The following ME1 variants were observed in gnomAD, a reference collection of about 807,000 sequenced individuals.
ME1 encodes malic enzyme 1.
A neutral mutation model predicts 66.4 loss-of-function variants in ME1; 74 were observed. The ratio of observed to expected loss-of-function variants is 1.11; its 90% CI spans 0.92 to 1.35. The LOEUF is 1.35. Among genes scored for constraint, ME1 ranks in the 40% most tolerant of loss-of-function variants. The pLI, the probability that ME1 is intolerant of heterozygous loss-of-function variation, is 0.00. For missense variants in ME1, 750 were observed against 694.1 expected, an observed-to-expected ratio of 1.08 and a Z score of -0.90; for synonymous variants, 251 against 235.6, an observed-to-expected ratio of 1.07 and a Z score of -0.60.
intron 6 of ME1, among the ~76,000 whole-genome samples, chr6:83,288,050 A>G (rs1767429580): frequency 6.6e-6 from 1 of 152,114 alleles, no homozygotes; most frequent in Non-Finnish European, 1.5e-5. Flanking sequence ...GATTCTGGAT[A>G]TTAGCCCTTT....
chr6:83,332,919 TA>T (rs1209445387), intron 5 of ME1, among the ~76,000 whole-genome samples: 1 of 152,158 alleles, frequency 6.6e-6, no homozygotes, highest in East Asian at 1.9e-4. Flanking sequence ...AAAATAAAAA[TA>T]AAAAAATAAG....
chr6:83,367,140 AGTAATATTT>A (rs562577176), intron 3 of ME1, among the ~76,000 whole-genome samples: 1 of 152,316 alleles, frequency 6.6e-6, no homozygotes, highest in Admixed American at 6.5e-5. Flanking sequence ...GTCAATGAGC[AGTAATATTT>A]GTAATATTTT....
At chr6:83,394,630 A>T (rs1165846504) in intron 3 of ME1, among the ~76,000 whole-genome samples, 2 of 152,200 alleles carry the variant, frequency 1.3e-5, no homozygotes, top group Non-Finnish European at 2.9e-5. Flanking sequence ...CTTTCCGATA[A>T]TACCTCTGAA....
At chr6:83,270,400 C>G (rs1011651217) in intron 6 of ME1, among the ~76,000 whole-genome samples, 1 of 149,508 alleles carries the variant, frequency 6.7e-6, no homozygotes, top group African/African-American at 2.4e-5. Flanking sequence ...AACGCCTTCT[C>G]AAAAATAAAA....
At chr6:83,281,806 CAAAAAAAAAAAAA>C (rs140157932) in intron 6 of ME1, among the ~76,000 whole-genome samples, 10 of 13,288 alleles carry the variant, frequency 7.5e-4, no homozygotes, top group Middle Eastern at 0.25. Flanking sequence ...ACTCTGTCTC[CAAAAAAAAAAAAA>C]AAAAAAAAAA....
chr6:83,256,585 T>C (rs1036408530), intron 6 of ME1, among the ~76,000 whole-genome samples: 1 of 152,190 alleles, frequency 6.6e-6, no homozygotes, highest in Non-Finnish European at 1.5e-5. Flanking sequence ...GCTTTTACAC[T>C]GTTAATGGGA....
intron 5 of ME1, among the ~76,000 whole-genome samples, chr6:83,340,966 T>A (rs1011165678): frequency 2.0e-5 from 3 of 152,070 alleles, no homozygotes; most frequent in African/African-American, 7.2e-5. Flanking sequence ...ATTCAACCAG[T>A]TTGAATAAGG....
chr6:83,353,268 C>T (rs898658114), intron 3 of ME1, among the ~76,000 whole-genome samples: 1 of 152,112 alleles, frequency 6.6e-6, no homozygotes, highest in Non-Finnish European at 1.5e-5. Context: ...AGAAGGCACA[C>T]CATATTTGGT....
At chr6:83,380,974 G>T (rs1769384120) in intron 3 of ME1, among the ~76,000 whole-genome samples, 2 of 152,056 alleles carry the variant, frequency 1.3e-5, no homozygotes, top group Non-Finnish European at 2.9e-5. Context: ...ATTAGATATA[G>T]TTCATGGAAA....
intron 6 of ME1, among the ~76,000 whole-genome samples, chr6:83,294,667 G>C (rs550267885): frequency 1.5e-4 from 23 of 152,176 alleles, no homozygotes; most frequent in African/African-American, 5.5e-4. Context: ...CCTCAGAATG[G>C]GTAAGGAGCA....
At chr6:83,316,608 TG>T (rs1449035589) in intron 5 of ME1, among the ~76,000 whole-genome samples, 1 of 151,188 alleles carries the variant, frequency 6.6e-6, no homozygotes, top group African/African-American at 2.4e-5. Flanking sequence ...AAATATAGAT[TG>T]AAAAAAAAAG....
At chr6:83,333,579 T>A (rs1171178949) in intron 5 of ME1, among the ~76,000 whole-genome samples, 1 of 152,224 alleles carries the variant, frequency 6.6e-6, no homozygotes, top group Non-Finnish European at 1.5e-5. Flanking sequence ...TAGGATGTTT[T>A]ACAGGTTACA....
At chr6:83,305,122 C>T (rs1767801104) in intron 6 of ME1, among the ~76,000 whole-genome samples, 1 of 152,102 alleles carries the variant, frequency 6.6e-6, no homozygotes, top group African/African-American at 2.4e-5. Context: ...AAGATTTCTG[C>T]AAAACCACTC....
Position 83,313,912 on chromosome 6 carries a change from A to G in ME1, c.704+1398T>C, listed in dbSNP as rs1193161724. 2.6e-5 allele frequency among the ~76,000 whole-genome samples: 4 copies of G among 152,182 alleles called. No homozygotes were observed. The East Asian group carries it at 7.7e-4, about 29-fold the overall frequency. ...AAAACCTTGAGTAATGAGAGGTTCAATGCATTCTAAATGTTGTGCAAGCTG... is the reference window on the plus strand; with the variant it reads ...AAAACCTTGAGTAATGAGAGGTTCAGTGCATTCTAAATGTTGTGCAAGCTG... On this transcript the variant is annotated intron_variant, in intron 6 of 13. Coordinates refer to ENST00000369705, the MANE Select transcript of ME1 (RefSeq NM_002395.6).
At chr6:83,379,987 T>G (rs957447194) in intron 3 of ME1, among the ~76,000 whole-genome samples, 1 of 152,086 alleles carries the variant, frequency 6.6e-6, no homozygotes, top group Non-Finnish European at 1.5e-5. Context: ...TAAGAAGAAA[T>G]GGAGGGATTC....
chr6:83,243,932 C>T (rs575242616), intron 7 of ME1, among the ~76,000 whole-genome samples: 1 of 145,898 alleles, frequency 6.9e-6, no homozygotes, highest in East Asian at 2.0e-4. Flanking sequence ...TCTGCATCCC[C>T]CTCTCCTTCT....
intron 1 of ME1, among the ~76,000 whole-genome samples, chr6:83,410,510 C>T (rs751196071): frequency 2.6e-5 from 4 of 151,744 alleles, no homozygotes; most frequent in Non-Finnish European, 4.4e-5. Context: ...TGAAATAACT[C>T]CTTGGAATGA....
intron 3 of ME1, among the ~76,000 whole-genome samples, chr6:83,362,198 G>A (rs1313873754): frequency 6.6e-6 from 1 of 152,216 alleles, no homozygotes; most frequent in Admixed American, 6.5e-5. Flanking sequence ...TCAGATGTGC[G>A]ATTATACACG....
chr6:83,389,871 C>G (rs1404069552), intron 3 of ME1, among the ~76,000 whole-genome samples: 1 of 152,086 alleles, frequency 6.6e-6, no homozygotes, highest in African/African-American at 2.4e-5. Context: ...GCAGATTGCA[C>G]TACCAAATAC....
Sources: allele counts gnomAD v4.1 joint callset (sites outside exome capture counted in the v4.1 genomes callset), GRCh38; gene constraint gnomAD v4.1.1; transcripts MANE v1.5; gene names NCBI Gene and HGNC (gene_info 2026-07-23, HGNC 2026-07-21).